The following BBX variants were observed in gnomAD, a reference collection of about 807,000 sequenced individuals.
BBX encodes BBX high mobility group box domain containing, also known as HMG box transcription factor BBX.
A neutral mutation model predicts 100.2 loss-of-function variants in BBX; 30 were observed. The observed-to-expected ratio is 0.30, with a 90% CI of 0.22 to 0.41. The LOEUF (loss-of-function observed/expected upper bound fraction) is 0.41. Among genes scored for constraint, BBX ranks in the 10% least tolerant of loss-of-function variants. BBX has a pLI of 1.00. For missense variants in BBX, 1,023 were observed against 1,129.8 expected, an observed-to-expected ratio of 0.91 and a Z score of 1.35; for synonymous variants, 376 against 388.1, an observed-to-expected ratio of 0.97 and a Z score of 0.37.
At chr3:107,599,583 TGA>T (rs1323984761) in intron 2 of BBX, 8 of 152,162 alleles carry the variant, frequency 5.3e-5, no homozygotes, top group African/African-American at 1.9e-4. Context: ...AACATTTCTG[TGA>T]GAGGTATGTG....
intron 2 of BBX, among the ~76,000 whole-genome samples, chr3:107,587,428 C>T (rs192295770): frequency 6.6e-6 from 1 of 151,454 alleles, no homozygotes; most frequent in African/African-American, 2.4e-5. Context: ...TTTGGATCTT[C>T]TTGTAATTTT....
At chr3:107,643,922 G>C (rs618284) in intron 2 of BBX, among the ~76,000 whole-genome samples, 52,697 of 151,912 alleles carry the variant, frequency 0.35, 10,199 homozygotes, top group East Asian at 0.88. Context: ...ACTGATGTCT[G>C]CTCTGTGGCT....
chr3:107,687,296 T>TA, intron 3 of BBX, among the ~76,000 whole-genome samples: 1 of 151,844 alleles, frequency 6.6e-6, no homozygotes, highest in Admixed American at 6.6e-5. Flanking sequence ...AAACAGCTGT[T>TA]ACAGTTTTTC....
intron 13 of BBX, among the ~76,000 whole-genome samples, chr3:107,780,963 CTGA>C (rs1576778951): frequency 6.6e-6 from 1 of 151,882 alleles, no homozygotes; most frequent in East Asian, 1.9e-4. Context: ...AATTTTTCCT[CTGA>C]TAATTTGCCA....
chr3:107,705,998 C>T (rs527829143), intron 3 of BBX, among the ~76,000 whole-genome samples: 5 of 149,040 alleles, frequency 3.4e-5, no homozygotes, highest in African/African-American at 9.9e-5. Flanking sequence ...CCTCAGTAAA[C>T]GTCCTTCATG....
intron 14 of BBX, among the ~76,000 whole-genome samples, chr3:107,790,702 G>A (rs980639280): frequency 2.0e-5 from 3 of 152,124 alleles, no homozygotes; most frequent in African/African-American, 7.2e-5. Flanking sequence ...CAACTCATCC[G>A]GTGCCCATTT....
intron 8 of BBX, among the ~76,000 whole-genome samples, chr3:107,745,208 A>C (rs1180112954): frequency 6.6e-6 from 1 of 152,196 alleles, no homozygotes. Context: ...GTCTCTTGAC[A>C]CTGGTTCAAA....
chr3:107,682,573 A>T (rs2059624246), intron 3 of BBX, among the ~76,000 whole-genome samples: 1 of 152,166 alleles, frequency 6.6e-6, no homozygotes, highest in African/African-American at 2.4e-5. Context: ...CTCCCACTAG[A>T]TTCCATAACA....
Position 107,523,249 on chromosome 3 carries a change from G to C in BBX, c.-156+142G>C, listed in dbSNP as rs1330267043. 1.0e-4 allele frequency: 23 copies of C among 224,058 alleles called. No individual in the cohort carries two copies. The East Asian group carries it at 2.8e-3, about 28-fold the overall frequency. The allele number at this position is 224,058 out of a possible 1,614,324, so 13.9% of individuals were successfully genotyped here. On this transcript the variant is annotated intron_variant, in intron 1 of 17. Coordinates refer to ENST00000325805, the MANE Select transcript of BBX (RefSeq NM_001142568.3). Reference sequence around the variant, plus strand: ...GGCGGCGGCGGCGGCGGCGGCGGCAGCCGGTAGGGTGGACTTGAGGAAGAC... The same window carrying C: ...GGCGGCGGCGGCGGCGGCGGCGGCACCCGGTAGGGTGGACTTGAGGAAGAC...
At chr3:107,652,159 A>C (rs1253834659) in intron 3 of BBX, among the ~76,000 whole-genome samples, 1 of 151,136 alleles carries the variant, frequency 6.6e-6, no homozygotes, top group Non-Finnish European at 1.5e-5. Context: ...TAGTGCATTA[A>C]CTTGTGGGAT....
At chr3:107,607,188 C>T (rs2054513116) in intron 2 of BBX, among the ~76,000 whole-genome samples, 1 of 152,122 alleles carries the variant, frequency 6.6e-6, no homozygotes, top group African/African-American at 2.4e-5. Context: ...CCTCCATCTC[C>T]TGGGTTCAGG....
At chr3:107,714,633 A>G (rs895513587) in intron 4 of BBX, among the ~76,000 whole-genome samples, 1 of 152,184 alleles carries the variant, frequency 6.6e-6, no homozygotes, top group African/African-American at 2.4e-5. Context: ...ACCATTATAT[A>G]CATAATGAGG....
chr3:107,747,398 T>C (rs751584937), intron 8 of BBX, among the ~76,000 whole-genome samples: 2 of 152,182 alleles, frequency 1.3e-5, no homozygotes, highest in Non-Finnish European at 2.9e-5. Context: ...TGCAGATTAT[T>C]ATCATCATCA....
chr3:107,648,666 G>A (rs1457471434), intron 3 of BBX, among the ~76,000 whole-genome samples: 2 of 152,088 alleles, frequency 1.3e-5, no homozygotes, highest in East Asian at 1.9e-4. Context: ...GCATCCGGGA[G>A]TTTTCTAAGA....
chr3:107,599,486 G>A (rs2053907771), intron 2 of BBX: 1 of 152,126 alleles, frequency 6.6e-6, no homozygotes, highest in African/African-American at 2.4e-5. Context: ...AAAAAAGTGG[G>A]GGCAGGCTGA....
In BBX at chr3:107,792,330, T is replaced by TA. The variant is rs545507706; in HGVS notation, c.2353+1032dup. Among the ~76,000 whole-genome samples, 37 of 152,366 alleles carry TA rather than the reference T, an allele frequency of 2.4e-4. 1 individual carries two copies. The South Asian group carries it at 7.7e-3, about 32-fold the overall frequency. On this transcript the variant is annotated intron_variant, in intron 15 of 17. Transcript: ENST00000325805. ...TTTGTTTCAACTCCTTTGATTCACT[T>TA]ATATCCAGAAATGGGAACTTCATGA...
At chr3:107,721,974 GATT>G (rs1472050098) in intron 5 of BBX, among the ~76,000 whole-genome samples, 6 of 151,848 alleles carry the variant, frequency 4.0e-5, no homozygotes, top group African/African-American at 7.3e-5. Flanking sequence ...CTATCTAAAT[GATT>G]ATTATTTTTA....
intron 8 of BBX, among the ~76,000 whole-genome samples, 157 bp from the exon 9 acceptor site, chr3:107,747,808 T>C (rs554558629): frequency 2.0e-5 from 3 of 152,334 alleles, no homozygotes; most frequent in East Asian, 3.9e-4. Context: ...GGCCTTTGTC[T>C]TCCCTTATCA....
rs2067032445 is a variant in BBX at position 107,773,068 on chromosome 3, G to A, written c.1347G>A (p.Lys449=). ...CCGCAGCATTAAACAAGCCAGAAAA[G>A]CTAAAAAAGAAAAAGAAGAAAAGCA... The part of the protein sequence containing the change: ...EDPAALNKPE[K]LKKKKKKSKM... Residue 449 remains lysine, a synonymous_variant, in exon 11 of 18, where the codon AAG becomes AAA. Coordinates refer to ENST00000325805, the MANE Select transcript of BBX (RefSeq NM_001142568.3). This position sits in a 1 kb window ranked among gnomAD's most constrained non-coding sequence, Gnocchi z 4.1. 6.2e-7 allele frequency: 1 copy of A among 1,612,878 alleles called. No individual in the cohort carries two copies. The highest frequency in any genetic ancestry group is 1.1e-5 in the South Asian group (1 of 90,904).
Sources: allele counts gnomAD v4.1 joint callset (sites outside exome capture counted in the v4.1 genomes callset), GRCh38; gene constraint gnomAD v4.1.1; non-coding constraint Gnocchi (gnomAD v3.1); transcripts MANE v1.5; gene names NCBI Gene and HGNC (gene_info 2026-07-23, HGNC 2026-07-21).